SNTG1: variants seen among roughly 807,000 people sequenced by gnomAD.
The protein encoded by SNTG1 is syntrophin gamma 1.
Under a neutral mutation model 74.7 loss-of-function variants are expected in SNTG1, and 39 were observed. That is an observed-to-expected ratio of 0.52 (90% CI 0.40 to 0.68). SNTG1 has a LOEUF of 0.68. SNTG1 is among the 30% of genes least tolerant of loss of function. SNTG1 has a pLI of 0.00. For synonymous variants in SNTG1, 254 were observed against 217.1 expected (o/e 1.17, Z -1.49); for missense variants, 685 against 609.5 (o/e 1.12, Z -1.30).
intron 1 of SNTG1, among the ~76,000 whole-genome samples, chr8:50,050,129 C>T (rs1383266419): frequency 6.6e-6 from 1 of 151,036 alleles, no homozygotes; most frequent in Non-Finnish European, 1.5e-5. Flanking sequence ...AAATTAAATA[C>T]AGGAAATCAA....
chr8:50,341,995 GC>G (rs1329525801), intron 2 of SNTG1, among the ~76,000 whole-genome samples: 1 of 151,842 alleles, frequency 6.6e-6, no homozygotes, highest in Non-Finnish European at 1.5e-5. Flanking sequence ...CAAATATTGT[GC>G]TTTTCATCAT....
intron 13 of SNTG1, among the ~76,000 whole-genome samples, chr8:50,618,542 T>A: frequency 6.6e-6 from 1 of 152,222 alleles, no homozygotes; most frequent in East Asian, 1.9e-4. Context: ...ACACATTACA[T>A]AAGCTCACAG....
chr8:50,185,730 C>T (rs1244166477), intron 2 of SNTG1, among the ~76,000 whole-genome samples: 1 of 150,888 alleles, frequency 6.6e-6, no homozygotes, highest in Non-Finnish European at 1.5e-5. Flanking sequence ...TTTCTTTTTC[C>T]TCATCAAACT....
chr8:50,309,834 A>T (rs2130740802), intron 2 of SNTG1, among the ~76,000 whole-genome samples: 1 of 152,312 alleles, frequency 6.6e-6, no homozygotes, highest in African/African-American at 2.4e-5. Context: ...ATCAAAAAAA[A>T]CCTTTTTATT....
chr8:50,010,896 C>G (rs1476553030), intron 1 of SNTG1, among the ~76,000 whole-genome samples: 1 of 136,868 alleles, frequency 7.3e-6, no homozygotes, highest in Non-Finnish European at 1.5e-5. Flanking sequence ...GTGTTATTTT[C>G]TCTATATTTT....
intron 2 of SNTG1, among the ~76,000 whole-genome samples, chr8:50,275,416 G>T (rs12674743): frequency 0.59 from 89,793 of 151,528 alleles, 29,237 homozygotes; most frequent in East Asian, 0.84. Flanking sequence ...CTTATTACAT[G>T]ATATTTCTTT....
intron 1 of SNTG1, among the ~76,000 whole-genome samples, chr8:49,969,389 T>A (rs866691347): frequency 0.62 from 58,654 of 94,898 alleles, 17,056 homozygotes; most frequent in East Asian, 0.79. Flanking sequence ...CATTTAATCT[T>A]TTTTTTTTTT....
chr8:50,269,413 C>T (rs1244294532), intron 2 of SNTG1, among the ~76,000 whole-genome samples: 1 of 152,078 alleles, frequency 6.6e-6, no homozygotes, highest in Non-Finnish European at 1.5e-5. Flanking sequence ...TTATTACTGT[C>T]ATAATTATGG....
chr8:50,342,187 G>A (rs182028667), intron 2 of SNTG1, among the ~76,000 whole-genome samples: 2 of 151,998 alleles, frequency 1.3e-5, no homozygotes, highest in African/African-American at 2.4e-5. Flanking sequence ...ATTTTAGTTC[G>A]GCATGAAGTA....
intron 17 of SNTG1, among the ~76,000 whole-genome samples, chr8:50,741,426 AC>A (rs1359488870): frequency 6.6e-6 from 1 of 151,984 alleles, no homozygotes; most frequent in Non-Finnish European, 1.5e-5. Context: ...CTGACCAAGT[AC>A]CCCTGAACTT....
chr8:50,281,547 G>C (rs1563839445), intron 2 of SNTG1, among the ~76,000 whole-genome samples: 1 of 152,166 alleles, frequency 6.6e-6, no homozygotes, highest in Admixed American at 6.5e-5. Context: ...GTGATTTGAA[G>C]TCAGAAGAGT....
At chr8:50,228,612 G>C (rs1362898491) in intron 2 of SNTG1, among the ~76,000 whole-genome samples, 1 of 151,816 alleles carries the variant, frequency 6.6e-6, no homozygotes, top group Non-Finnish European at 1.5e-5. Flanking sequence ...AGCCAGAAAA[G>C]AGTGGAGTGA....
At position 50,147,039 on chromosome 8, in the gene SNTG1, T is replaced by C. The variant is rs576820091; in HGVS notation, c.-102-25522T>C. 3.9e-5 allele frequency among the ~76,000 whole-genome samples: 6 copies of C among 152,328 alleles called. No individual in the cohort carries two copies. The South Asian group carries it at 1.0e-3, about 26-fold the overall frequency. Reference sequence around the variant, plus strand: ...TTAATTAAGTCCAATTTTTAATTTTTTTTTTACCATATATCCTGTTGATGT... The same window carrying C: ...TTAATTAAGTCCAATTTTTAATTTTCTTTTTACCATATATCCTGTTGATGT... On this transcript the variant is annotated intron_variant, in intron 1 of 18. Transcript: ENST00000642720.
intron 12 of SNTG1, among the ~76,000 whole-genome samples, chr8:50,557,698 A>C (rs1223417306): frequency 6.6e-6 from 1 of 152,168 alleles, no homozygotes; most frequent in Admixed American, 6.5e-5. Flanking sequence ...CAAGATCTTT[A>C]ACTGAAGTAG....
chr8:50,226,707 A>G (rs749982277), intron 2 of SNTG1, among the ~76,000 whole-genome samples: 4 of 152,224 alleles, frequency 2.6e-5, no homozygotes, highest in Non-Finnish European at 5.9e-5. Context: ...AACCAAATCA[A>G]TGTGTTTCTT....
chr8:50,463,167 T>C (rs545377752), intron 8 of SNTG1, among the ~76,000 whole-genome samples: 1 of 152,286 alleles, frequency 6.6e-6, no homozygotes, highest in African/African-American at 2.4e-5. Flanking sequence ...TTTGTTGTTG[T>C]TTCCTACACT....
chr8:50,204,910 T>A (rs575817506), intron 2 of SNTG1, among the ~76,000 whole-genome samples: 1 of 152,208 alleles, frequency 6.6e-6, no homozygotes, highest in South Asian at 2.1e-4. Flanking sequence ...CATCCTTTTT[T>A]ATGGCTGCAT....
chr8:50,405,603 T>G (rs1373094287), intron 4 of SNTG1, among the ~76,000 whole-genome samples: 1 of 152,114 alleles, frequency 6.6e-6, no homozygotes, highest in Non-Finnish European at 1.5e-5. Flanking sequence ...TGGATTGCCT[T>G]TTTACTCTAT....
At chr8:50,280,596 A>G (rs1334558473) in intron 2 of SNTG1, among the ~76,000 whole-genome samples, 1 of 152,190 alleles carries the variant, frequency 6.6e-6, no homozygotes, top group African/African-American at 2.4e-5. Flanking sequence ...TCAGTCTGAA[A>G]AGGTGGGACA....
Sources: gnomAD v4.1 joint callset for allele counts (sites outside exome capture counted in the v4.1 genomes callset) on GRCh38, gnomAD v4.1.1 for gene constraint, MANE v1.5 for transcripts, NCBI Gene and HGNC (gene_info 2026-07-23, HGNC 2026-07-21) for gene names.